Variants in WDPCP observed in about 807,000 individuals in gnomAD.
The protein encoded by WDPCP is WD repeat-containing and planar cell polarity effector protein fritz homolog.
WDPCP carries 71 observed loss-of-function variants against 93.1 expected under a neutral mutation model. The ratio of observed to expected loss-of-function variants is 0.76; its 90% CI spans 0.63 to 0.93. The LOEUF (loss-of-function observed/expected upper bound fraction) is 0.93. Ranked by LOEUF, WDPCP falls within the 40% of genes least tolerant of loss-of-function variation. WDPCP has a pLI of 0.00. For missense variants in WDPCP, 844 were observed against 887.4 expected (o/e 0.95, Z 0.62); for synonymous variants, 315 against 315.0 (o/e 1.00, Z 0.00).
intron 3 of WDPCP, among the ~76,000 whole-genome samples, chr2:63,614,010 C>G (rs1709646460): frequency 6.6e-6 from 1 of 152,158 alleles, no homozygotes; most frequent in Non-Finnish European, 1.5e-5. Context: ...CAAGAGATTA[C>G]CTGGGAGACT....
At chr2:63,722,049 G>A (rs1449453924) in intron 2 of WDPCP, among the ~76,000 whole-genome samples, 5 of 152,170 alleles carry the variant, frequency 3.3e-5, no homozygotes, top group Admixed American at 6.5e-5. Context: ...TGCCCAGGCT[G>A]GAGTGCAGTG....
intron 13 of WDPCP, among the ~76,000 whole-genome samples, chr2:63,279,890 AAAAAG>A (rs1683392105): frequency 2.0e-5 from 3 of 151,836 alleles, no homozygotes; most frequent in Non-Finnish European, 3.0e-5. Context: ...AGGAAAGAAA[AAAAAG>A]AAAATACTTA....
intron 2 of WDPCP, among the ~76,000 whole-genome samples, chr2:63,678,407 G>A (rs1245978116): frequency 2.0e-5 from 3 of 152,194 alleles, no homozygotes; most frequent in African/African-American, 4.8e-5. Context: ...TTGCAAAAGA[G>A]GTTGGAGAAT....
At chr2:63,241,334 A>G (rs1179075526) in intron 14 of WDPCP, among the ~76,000 whole-genome samples, 1 of 152,212 alleles carries the variant, frequency 6.6e-6, no homozygotes, top group Non-Finnish European at 1.5e-5. Context: ...GGAAAGGTGA[A>G]GTGAAGCCAA....
chr2:63,340,470 C>A (rs920131048), intron 12 of WDPCP, among the ~76,000 whole-genome samples: 1 of 152,158 alleles, frequency 6.6e-6, no homozygotes, highest in African/African-American at 2.4e-5. Flanking sequence ...CTCTGCCTCT[C>A]CTAAGGGATA....
At chr2:63,543,564 C>A (rs1025769110) in intron 1 of WDPCP, among the ~76,000 whole-genome samples, 1 of 151,706 alleles carries the variant, frequency 6.6e-6, no homozygotes, top group Non-Finnish European at 1.5e-5. Flanking sequence ...AAATTATTAT[C>A]CATATAATTT....
intron 1 of WDPCP, among the ~76,000 whole-genome samples, chr2:63,821,546 A>G (rs1457232980): frequency 6.6e-6 from 1 of 151,968 alleles, no homozygotes; most frequent in Non-Finnish European, 1.5e-5. Context: ...TGGCTGGGAG[A>G]CGTGGAAGCT....
chr2:63,521,414 T>C (rs1233809404), intron 1 of WDPCP, among the ~76,000 whole-genome samples: 1 of 152,084 alleles, frequency 6.6e-6, no homozygotes, highest in Non-Finnish European at 1.5e-5. Flanking sequence ...CTATCTAATT[T>C]CAGACAAAAC....
intron 12 of WDPCP, among the ~76,000 whole-genome samples, chr2:63,347,970 T>C (rs1008910211): frequency 3.9e-5 from 6 of 152,178 alleles, no homozygotes; most frequent in African/African-American, 1.2e-4. Flanking sequence ...AATCCCCTAA[T>C]GCTTGATGTC....
chr2:63,645,072 TA>T (rs1710032605), intron 3 of WDPCP, among the ~76,000 whole-genome samples: 1 of 152,032 alleles, frequency 6.6e-6, no homozygotes, highest in African/African-American at 2.4e-5. Context: ...CTTGCTTTTC[TA>T]GTTATTTAAG....
intron 1 of WDPCP, among the ~76,000 whole-genome samples, chr2:63,569,530 C>A (rs548624382): frequency 2.0e-5 from 3 of 151,726 alleles, no homozygotes; most frequent in African/African-American, 7.3e-5. Context: ...CAATGTCATT[C>A]AAAAAAAAGA....
chr2:63,447,013 T>C (rs1354621793), intron 6 of WDPCP, among the ~76,000 whole-genome samples: 1 of 152,238 alleles, frequency 6.6e-6, no homozygotes, highest in African/African-American at 2.4e-5. Flanking sequence ...ATTGTTAATG[T>C]TGTTAGTACA....
chr2:63,226,049 G>T (rs1302573602), intron 14 of WDPCP, among the ~76,000 whole-genome samples: 1 of 151,866 alleles, frequency 6.6e-6, no homozygotes, highest in Non-Finnish European at 1.5e-5. Context: ...ACAAAATTTG[G>T]CTCTTCCAAA....
chr2:63,391,694 C>T (rs1030143427), intron 10 of WDPCP, among the ~76,000 whole-genome samples: 2 of 152,172 alleles, frequency 1.3e-5, no homozygotes, highest in Non-Finnish European at 2.9e-5. Flanking sequence ...AGCAAAGTCT[C>T]AGGATACAAA....
At chr2:63,344,554 G>A (rs577143107) in intron 12 of WDPCP, among the ~76,000 whole-genome samples, 1 of 152,236 alleles carries the variant, frequency 6.6e-6, no homozygotes, top group South Asian at 2.1e-4. Flanking sequence ...AGCTATTCAT[G>A]GCTCCTATTC....
chr2:63,546,820 T>C (rs1705184534), intron 1 of WDPCP, among the ~76,000 whole-genome samples: 1 of 151,966 alleles, frequency 6.6e-6, no homozygotes, highest in Admixed American at 6.6e-5. Context: ...AAACTTAATA[T>C]ATTGGAATCA....
Position 63,484,525 on chromosome 2 carries a change from A to G in WDPCP, c.384+79T>C, listed in dbSNP as rs544625831. On this transcript the variant is annotated intron_variant, in intron 6 of 17. Coordinates refer to ENST00000272321, the MANE Select transcript of WDPCP (RefSeq NM_015910.7). The stretch of plus-strand genomic sequence containing the variant: ...AAAAAGTTTTTGTCCATTACCTAAC[A>G]TAACACAAGAATACCAATTACTACA... 2.8e-5 allele frequency: 44 copies of G among 1,563,562 alleles called. No homozygotes were observed. In the South Asian group the frequency reaches 4.6e-4, roughly 16 times the overall value.
chr2:63,702,447 T>C (rs544598364), intron 2 of WDPCP, among the ~76,000 whole-genome samples: 1 of 152,334 alleles, frequency 6.6e-6, no homozygotes, highest in African/African-American at 2.4e-5. Context: ...TTAAAAAAGT[T>C]TTAATTAACA....
intron 3 of WDPCP, among the ~76,000 whole-genome samples, chr2:63,615,368 C>A (rs936532815): frequency 6.6e-6 from 1 of 152,116 alleles, no homozygotes; most frequent in South Asian, 2.1e-4. Context: ...GTCCACCGTG[C>A]GGGATCTACC....
Sources: allele counts gnomAD v4.1 joint callset (sites outside exome capture counted in the v4.1 genomes callset), GRCh38; gene constraint gnomAD v4.1.1; transcripts MANE v1.5; gene names NCBI Gene and HGNC (gene_info 2026-07-23, HGNC 2026-07-21).